The following SLC2A3 variants were observed in gnomAD, a reference collection of about 807,000 sequenced individuals.
The protein encoded by SLC2A3 is solute carrier family 2 member 3.
In SLC2A3, 21 loss-of-function variants were observed where a neutral mutation model predicts 46.4. That is an observed-to-expected ratio of 0.45 (90% CI 0.32 to 0.65). SLC2A3 has a LOEUF of 0.65. Ranked by LOEUF, SLC2A3 falls within the 30% of genes least tolerant of loss-of-function variation. The probability of loss-of-function intolerance (pLI) is 0.04; values close to 1 mark genes in which losing one functional copy is unlikely to be tolerated. For synonymous variants in SLC2A3, 213 were observed against 239.4 expected (o/e 0.89, Z 1.02); for missense variants, 499 against 623.3 (o/e 0.80, Z 2.12).
intron 1 of SLC2A3, among the ~76,000 whole-genome samples, chr12:7,935,409 T>C (rs2121204912): frequency 6.6e-6 from 1 of 152,016 alleles, no homozygotes; most frequent in African/African-American, 2.4e-5. Flanking sequence ...CTGCGGTCGC[T>C]CCATTGCACT....
chr12:7,925,710 TTA>T lies in SLC2A3; in HGVS notation c.966+132_966+133del, dbSNP rs140091362. Reference sequence around the variant, plus strand: ...GTGAAGACTACATCCAACATTAAATTTATCTCTTTTTCCCAAAGGAAAATTAA... The same window carrying T: ...GTGAAGACTACATCCAACATTAAATTTCTCTTTTTCCCAAAGGAAAATTAA... On this transcript the variant is annotated intron_variant, in intron 7 of 9. Coordinates refer to ENST00000075120, the MANE Select transcript of SLC2A3 (RefSeq NM_006931.3). 1,236 of 703,728 alleles carry T rather than the reference TTA, an allele frequency of 1.8e-3. 10 individuals are homozygous for T. The African/African-American group carries it at 0.018, about 10-fold the overall frequency. The allele number at this position is 703,728 out of a possible 1,614,324, so 43.6% of individuals were successfully genotyped here.
At chr12:7,935,290 T>C (rs1191540622) in intron 1 of SLC2A3, among the ~76,000 whole-genome samples, 1 of 151,998 alleles carries the variant, frequency 6.6e-6, no homozygotes, top group African/African-American at 2.4e-5. Flanking sequence ...CCGTCTCTAC[T>C]AAAAATACAA....
intron 4 of SLC2A3, among the ~76,000 whole-genome samples, chr12:7,930,889 C>G (rs17847962): frequency 1.3e-5 from 2 of 149,114 alleles, no homozygotes; most frequent in East Asian, 4.0e-4. Context: ...CTCTGCCTAC[C>G]GGGTTCACGC....
intron 5 of SLC2A3, 175 bp downstream of exon 5, chr12:7,930,305 C>T (rs951533505): frequency 3.3e-5 from 22 of 670,192 alleles, no homozygotes; most frequent in Non-Finnish European, 4.9e-5. Context: ...CCTAAACCCG[C>T]CTTTTCACCT....
At chr12:7,928,656 G>A (rs1328351064) in intron 6 of SLC2A3, among the ~76,000 whole-genome samples, 2 of 151,912 alleles carry the variant, frequency 1.3e-5, no homozygotes, top group African/African-American at 4.8e-5. Context: ...ACACTTGCAC[G>A]TAGCTGCCTC....
chr12:7,930,062 T>C, intron 5 of SLC2A3, 191 bp from the exon 6 acceptor site: 3 of 1,212,408 alleles, frequency 2.5e-6, no homozygotes, highest in Non-Finnish European at 2.2e-6. Flanking sequence ...CTCAGCTCCC[T>C]GCAACCTCCA....
intron 5 of SLC2A3, 183 bp downstream of exon 5, chr12:7,930,297 T>C (rs1307396136): frequency 1.5e-6 from 1 of 648,392 alleles, no homozygotes; most frequent in African/African-American, 1.8e-5. Context: ...CATCCATTCC[T>C]AAACCCGCCT....
At chr12:7,925,798 C>A in intron 7 of SLC2A3, 46 bp downstream of exon 7, 1 of 1,416,704 alleles carries the variant, frequency 7.1e-7, no homozygotes, top group African/African-American at 1.4e-5. Context: ...ACATCTGTAG[C>A]AAGGATTCTT....
rs1946172815 is a variant in SLC2A3, at chr12:7,932,986, C to T, written c.269+1G>A. 2 of 1,613,932 alleles carry T rather than the reference C, an allele frequency of 1.2e-6. No individual in the cohort carries two copies. The highest frequency in any genetic ancestry group is 1.7e-6 in the Non-Finnish European group (2 of 1,179,934). ...TTCCTTGCCCAGTTTCTAGTCAATA[C>T]CTGCCAAAGCGGTTGACGAAGAGTC... On this transcript the variant is annotated splice_donor_variant, in intron 3 of 9. Coordinates refer to ENST00000075120, the MANE Select transcript of SLC2A3 (RefSeq NM_006931.3). LOFTEE classifies it high-confidence loss of function.
In SLC2A3 at chr12:7,933,863, T is replaced by C; in HGVS notation, c.55A>G (p.Ile19Val). The C allele has an allele frequency of 6.2e-7, 1 of 1,613,976 alleles. No homozygotes were observed. Among genetic ancestry groups the C allele is most frequent in the Non-Finnish European group, 8.5e-7 (1 of 1,179,960 alleles). Reference protein sequence around the residue: ...ALIFAITVATIGSFQFGYNTG... With the variant: ...ALIFAITVATVGSFQFGYNTG... The stretch of plus-strand genomic sequence containing the variant: ...TTGTAGCCAAATTGGAAAGAGCCGA[T>C]TGTAGCAACTGTGATGGCAAATATC... Residue 19 changes from isoleucine to valine, a missense_variant, in exon 2 of 10, where the codon ATC becomes GTC. By Grantham distance (29) the Ile-to-Val change is conservative. Coordinates refer to ENST00000075120, the MANE Select transcript of SLC2A3 (RefSeq NM_006931.3).
At chr12:7,932,813 G>A (rs1052366806) in intron 3 of SLC2A3, 174 bp downstream of exon 3, 10 of 907,302 alleles carry the variant, frequency 1.1e-5, no homozygotes, top group East Asian at 5.3e-5. Flanking sequence ...CTCCAGGGTA[G>A]TAGAGCTCCA....
chr12:7,928,731 G>A (rs1032603420), intron 6 of SLC2A3, among the ~76,000 whole-genome samples: 5 of 152,120 alleles, frequency 3.3e-5, no homozygotes, highest in African/African-American at 9.6e-5. Flanking sequence ...CCAGTAATAC[G>A]TGTGGCCTAC....
At chr12:7,928,401 A>T (rs973984748) in intron 6 of SLC2A3, among the ~76,000 whole-genome samples, 7 of 151,938 alleles carry the variant, frequency 4.6e-5, no homozygotes, top group Non-Finnish European at 1.0e-4. Context: ...CTGTTTCAAA[A>T]AAAAAAAGAA....
In SLC2A3 at chr12:7,933,828, G is replaced by A; in HGVS notation, c.90C>T (p.Val30=). The change falls in exon 2 of 10, where the codon GTC becomes GTT. Residue 30 remains valine (V), a synonymous_variant. Transcript: ENST00000075120. ...GSFQFGYNTG[V]INAPEKIIKE... ...CACTCACCTTCTCAGGAGCATTGAT[G>A]ACCCCAGTGTTGTAGCCAAATTGGA... 3 of 1,613,694 alleles carry A rather than the reference G, an allele frequency of 1.9e-6. No homozygotes were observed. Among genetic ancestry groups the A allele is most frequent in the African/African-American group, 1.3e-5 (1 of 75,002 alleles).
At chr12:7,927,192 G>A (rs1001222185) in intron 6 of SLC2A3, among the ~76,000 whole-genome samples, 1 of 152,032 alleles carries the variant, frequency 6.6e-6, no homozygotes, top group African/African-American at 2.4e-5. Flanking sequence ...ACTGAGATTT[G>A]TAGAGTCATT....
chr12:7,933,985 T>C, intron 1 of SLC2A3, 83 bp from the exon 2 acceptor site: 1 of 1,352,522 alleles, frequency 7.4e-7, no homozygotes, highest in Non-Finnish European at 1.0e-6. Flanking sequence ...GGAGCTGTAT[T>C]AGGAGAATTT....
chr12:7,930,315 T>A, intron 5 of SLC2A3, 165 bp downstream of exon 5: 1 of 720,442 alleles, frequency 1.4e-6, no homozygotes, highest in Non-Finnish European at 2.2e-6. Flanking sequence ...CCTTTTCACC[T>A]CATTCTTTAG....
Position 7,930,571 on chromosome 12 carries a change from A to G in SLC2A3, c.582T>C (p.Pro194=). 1 of 1,614,002 alleles carries G rather than the reference A, an allele frequency of 6.2e-7. No individual in the cohort carries two copies. The highest frequency in any genetic ancestry group is 1.3e-5 in the African/African-American group (1 of 75,024). Residue 194 remains proline, a synonymous_variant, in exon 5 of 10, where the codon CCT becomes CCC. Transcript: ENST00000075120. ...GAAGGGCTGCACTTTGTAGGATAGC[A>G]GGAAGGATGGTAAAACCCAGTAGCA... is the stretch of plus-strand genomic sequence containing the variant. ...WPLLLGFTIL[P]AILQSAALPF... is the part of the protein sequence containing the mutation.
At chr12:7,930,289 T>C in intron 5 of SLC2A3, 191 bp downstream of exon 5, 3 of 616,172 alleles carry the variant, frequency 4.9e-6, no homozygotes, top group Non-Finnish European at 8.1e-6. Context: ...CCTGATAGCA[T>C]CCATTCCTAA....
Sources: gnomAD v4.1 joint callset for allele counts (sites outside exome capture counted in the v4.1 genomes callset) on GRCh38, gnomAD v4.1.1 for gene constraint, MANE v1.5 for transcripts, NCBI Gene and HGNC (gene_info 2026-07-23, HGNC 2026-07-21) for gene names.